SNX32: variants seen among roughly 807,000 people sequenced by gnomAD.
The protein encoded by SNX32 is sorting nexin-32.
Under a neutral mutation model 57.0 loss-of-function variants are expected in SNX32, and 58 were observed. The observed-to-expected ratio is 1.02, with a 90% CI of 0.82 to 1.27. SNX32 has a LOEUF of 1.27. SNX32 is among the 50% of genes most tolerant of loss of function. The pLI is 0.00. For synonymous variants in SNX32, 262 were observed against 220.4 expected, an observed-to-expected ratio of 1.19 and a Z score of -1.67; for missense variants, 589 against 541.2, an observed-to-expected ratio of 1.09 and a Z score of -0.88.
intron 2 of SNX32, 59 bp downstream of exon 2, chr11:65,849,641 CAG>C (rs746907798): frequency 1.5e-6 from 2 of 1,343,698 alleles, no homozygotes; most frequent in South Asian, 1.2e-5. Context: ...AGGCCTCCCC[CAG>C]GGGGTGGTAG....
chr11:65,834,602 T>A (rs1419067366), intron 1 of SNX32, among the ~76,000 whole-genome samples: 1 of 151,058 alleles, frequency 6.6e-6, no homozygotes, highest in Non-Finnish European at 1.5e-5. Context: ...TCTTTGTGTC[T>A]GTGTCTGTCT....
chr11:65,839,772 T>G (rs1403349395), intron 1 of SNX32, among the ~76,000 whole-genome samples: 1 of 148,700 alleles, frequency 6.7e-6, no homozygotes, highest in Admixed American at 6.7e-5. Flanking sequence ...ATAAGCAATA[T>G]ATAAAAGGAT....
rs142241975 is a variant in SNX32 at position 65,851,360 on chromosome 11, G to T, written c.742G>T (p.Ala248Ser). The T allele has an allele frequency of 1.4e-5, 22 of 1,614,162 alleles. No individual in the cohort carries two copies. Among genetic ancestry groups the T allele is most frequent in the Non-Finnish European group, 1.9e-5 (22 of 1,180,014 alleles). The change falls in exon 8 of 13, where the codon GCG (alanine) becomes TCG (serine). Residue 248 changes from alanine to serine, a missense_variant. By Grantham distance (99) the Ala-to-Ser change is moderately conservative. Coordinates refer to ENST00000308342, the MANE Select transcript of SNX32 (RefSeq NM_152760.3). ...AGACGATTATATCCCTATCTCAGCT[G>T]CGCTGAGCAGTCTGGGAACACAGGA... The part of the protein sequence containing the change: ...LADDYIPISA[A>S]LSSLGTQEVN...
In SNX32 at chr11:65,847,777, G is replaced by A. The variant is rs145763504; in HGVS notation, c.37-1701G>A. On this transcript the variant is annotated intron_variant, in intron 1 of 12. Transcript: ENST00000308342. ...ATACAAAAATTAGCTGGGAGTGGTGGCGTGTGCCTGTAATCCCAGCTACTC... is the reference window on the plus strand; with the variant it reads ...ATACAAAAATTAGCTGGGAGTGGTGACGTGTGCCTGTAATCCCAGCTACTC... Among the ~76,000 whole-genome samples the A allele has an allele frequency of 1.0e-2, 1,518 of 152,212 alleles. 24 individuals carry two copies. Among genetic ancestry groups the A allele is most frequent in the African/African-American group, 0.034 (1,412 of 41,536 alleles).
intron 3 of SNX32, 46 bp downstream of exon 3, chr11:65,850,076 T>A (rs777093069): frequency 6.2e-7 from 1 of 1,614,132 alleles, no homozygotes; most frequent in Non-Finnish European, 8.5e-7. Context: ...GCAGAGCACT[T>A]GGGTGAGGAC....
chr11:65,849,474 G>A lies in SNX32; in HGVS notation c.37-4G>A, dbSNP rs372874957. The A allele has an allele frequency of 6.8e-6, 11 of 1,605,872 alleles. No homozygotes were observed. Among genetic ancestry groups the A allele is most frequent in the East Asian group, 2.2e-5 (1 of 44,866 alleles). On this transcript the variant is annotated splice_polypyrimidine_tract_variant and splice_region_variant and intron_variant, in intron 1 of 12. Coordinates refer to ENST00000308342, the MANE Select transcript of SNX32 (RefSeq NM_152760.3). ...CCAGGCCAGAGACCTCCCCTCCTCC[G>A]CAGCCTTCCTGTGCATCGGTGGATC...
chr11:65,838,082 G>C (rs533790918), intron 1 of SNX32, among the ~76,000 whole-genome samples: 2 of 152,150 alleles, frequency 1.3e-5, no homozygotes, highest in East Asian at 3.9e-4. Flanking sequence ...CTTGAACCTG[G>C]GAGGCGGAGG....
intron 9 of SNX32, 50 bp downstream of exon 9, chr11:65,851,729 G>T (rs779581434): frequency 1.8e-5 from 29 of 1,593,924 alleles, no homozygotes; most frequent in Non-Finnish European, 2.4e-5. Context: ...GCTTTGCAGG[G>T]AAGATGAGTC....
chr11:65,840,996 A>G (rs1024874974), intron 1 of SNX32, among the ~76,000 whole-genome samples: 1 of 150,908 alleles, frequency 6.6e-6, no homozygotes, highest in African/African-American at 2.4e-5. Flanking sequence ...CCCAGGCTGG[A>G]GTGCAATGGT....
Position 65,852,987 on chromosome 11 carries a change from G to C in SNX32, c.1158+29G>C, listed in dbSNP as rs1859265937. On this transcript the variant is annotated intron_variant, in intron 12 of 12. Coordinates refer to ENST00000308342, the MANE Select transcript of SNX32 (RefSeq NM_152760.3). ...AGCCCTCCCACCTCACTGGGCCCTT[G>C]TGAAGCCTCCCACCTCCCACCTCCC... is the stretch of plus-strand genomic sequence containing the variant. The C allele has an allele frequency of 1.9e-6, 3 of 1,611,498 alleles. No individual in the cohort carries two copies. In the African/African-American group the frequency reaches 4.0e-5, roughly 22 times the overall value.
chr11:65,853,655 T>C lies in SNX32; in HGVS notation c.*320T>C, dbSNP rs544802055. On this transcript the variant is annotated 3_prime_UTR_variant, in exon 13 of 13. Coordinates refer to ENST00000308342, the MANE Select transcript of SNX32 (RefSeq NM_152760.3). The stretch of plus-strand genomic sequence containing the variant: ...CCTGAAGGAATCATAGCTCACTTGA[T>C]CCCGGCCTGTTCTCCTTCGCAAATA... 7.1e-6 allele frequency: 3 copies of C among 422,182 alleles called. No individual in the cohort carries two copies. Among genetic ancestry groups the C allele is most frequent in the Non-Finnish European group, 1.3e-5 (3 of 231,048 alleles). The allele number at this position is 422,182 out of a possible 1,614,324, so 26.2% of individuals were successfully genotyped here.
intron 1 of SNX32, among the ~76,000 whole-genome samples, chr11:65,847,579 G>C (rs971543560): frequency 6.6e-6 from 1 of 152,052 alleles, no homozygotes; most frequent in Non-Finnish European, 1.5e-5. Context: ...CTTAAAATTT[G>C]TGCACTTTCC....
At chr11:65,841,736 AAAAATAAAAAATAAAAT>A (rs1858848401) in intron 1 of SNX32, among the ~76,000 whole-genome samples, 1 of 151,958 alleles carries the variant, frequency 6.6e-6, no homozygotes. Context: ...CTCTGTCTCA[AAAAATAAAAAATAAAAT>A]AAAATAAAAA....
At chr11:65,839,223 G>GTTTTTTTGTTTTTTTTTTTTTTTTT (rs755185237) in intron 1 of SNX32, among the ~76,000 whole-genome samples, 1 of 23,078 alleles carries the variant, frequency 4.3e-5, no homozygotes, top group Non-Finnish European at 7.1e-5. Context: ...TAATTTTTTT[G>GTTTTTTTGTTTTTTTTTTTTTTTTT]TATTTTTTTT....
chr11:65,843,233 A>C (rs921874915), intron 1 of SNX32, among the ~76,000 whole-genome samples: 12 of 150,882 alleles, frequency 8.0e-5, no homozygotes, highest in African/African-American at 2.9e-4. Context: ...AAAAAAAAAA[A>C]AAAGAAAAAG....
rs773860611 is a variant in SNX32 at position 65,849,680 on chromosome 11, C to T, written c.141+98C>T. On this transcript the variant is annotated intron_variant, in intron 2 of 12. Coordinates refer to ENST00000308342, the MANE Select transcript of SNX32 (RefSeq NM_152760.3). Reference sequence around the variant, plus strand: ...CATGTGCCAACACAGCCTGTGGGCACTCTTCCTCCACCTGGCACTTGCCCT... The same window carrying T: ...CATGTGCCAACACAGCCTGTGGGCATTCTTCCTCCACCTGGCACTTGCCCT... The T allele has an allele frequency of 1.9e-5, 21 of 1,124,156 alleles. No individual in the cohort carries two copies. In the African/African-American group the frequency reaches 2.9e-4, roughly 16 times the overall value. The allele number at this position is 1,124,156 out of a possible 1,614,324, so 69.6% of individuals were successfully genotyped here. A position where few individuals can be genotyped will look rare whatever the true frequency, so the allele number is the denominator to read the frequency against.
intron 1 of SNX32, among the ~76,000 whole-genome samples, chr11:65,840,187 C>G (rs1316432770): frequency 6.6e-6 from 1 of 151,976 alleles, no homozygotes; most frequent in Non-Finnish European, 1.5e-5. Context: ...AAACAGATAA[C>G]AAGAACATCC....
At position 65,852,738 on chromosome 11, in the gene SNX32, C is replaced by T; in HGVS notation, c.1021C>T (p.Gln341Ter). The T allele has an allele frequency of 6.2e-7, 1 of 1,607,512 alleles. No homozygotes were observed. The highest frequency in any genetic ancestry group is 8.5e-7 in the Non-Finnish European group (1 of 1,178,890). The change falls in exon 11 of 13, where the codon CAG becomes TAG. Residue 341 changes from glutamine (Q) to a stop codon, truncating the protein, a stop_gained. Transcript: ENST00000308342. LOFTEE classifies it high-confidence loss of function. ...GGAGGTGCGGCCCGCCGAGAGCCAC[C>T]AGCAGCTGTGCTGCCAACGCTTCGA... ...NREVRPAESH[Q>*]QLCCQRFERL...
At position 65,850,155 on chromosome 11, in the gene SNX32, C is replaced by CT. The variant is rs1229344355; in HGVS notation, c.258_259insT (p.Pro87SerfsTer9). 1 of 1,614,144 alleles carries CT rather than the reference C, an allele frequency of 6.2e-7. No individual in the cohort carries two copies. Among genetic ancestry groups the CT allele is most frequent in the African/African-American group, 1.3e-5 (1 of 74,948 alleles). ...TCCGTCCCTCCTTTGAGCAGATCCC[C>CT]CCAGCCCCTCCGAGGCCAGACTTTG... On this transcript the variant is annotated frameshift_variant, in exon 4 of 13. Coordinates refer to ENST00000308342, the MANE Select transcript of SNX32 (RefSeq NM_152760.3). LOFTEE classifies it high-confidence loss of function.
Sources: allele counts gnomAD v4.1 joint callset (sites outside exome capture counted in the v4.1 genomes callset), GRCh38; gene constraint gnomAD v4.1.1; transcripts MANE v1.5; gene names NCBI Gene and HGNC (gene_info 2026-07-23, HGNC 2026-07-21).